The following CDH12 variants were observed in gnomAD, a reference collection of about 807,000 sequenced individuals.
CDH12 encodes the protein cadherin 12.
Under a neutral mutation model 74.1 loss-of-function variants are expected in CDH12, and 41 were observed. The ratio of observed to expected loss-of-function variants is 0.55; its 90% CI spans 0.43 to 0.72. CDH12 has a LOEUF of 0.72. Ranked by LOEUF, CDH12 falls within the 30% of genes least tolerant of loss-of-function variation. CDH12 has a pLI of 0.00. For synonymous variants in CDH12, 399 were observed against 355.0 expected, an observed-to-expected ratio of 1.12 and a Z score of -1.39; for missense variants, 945 against 977.2, an observed-to-expected ratio of 0.97 and a Z score of 0.44.
intron 5 of CDH12, among the ~76,000 whole-genome samples, chr5:21,984,340 A>C (rs1757427974): frequency 6.6e-6 from 1 of 152,180 alleles, no homozygotes; most frequent in South Asian, 2.1e-4. Context: ...CTGGTCATTA[A>C]TGCCTATATT....
At chr5:22,551,155 G>T (rs962282592) in intron 1 of CDH12, among the ~76,000 whole-genome samples, 2 of 152,124 alleles carry the variant, frequency 1.3e-5, no homozygotes, top group African/African-American at 4.8e-5. Context: ...TAGGACTGGT[G>T]TCCTTATAAG....
chr5:22,563,189 A>T (rs1259604060), intron 1 of CDH12, among the ~76,000 whole-genome samples: 3 of 151,542 alleles, frequency 2.0e-5, no homozygotes, highest in Non-Finnish European at 2.9e-5. Context: ...AGGATGATAA[A>T]ATTGGGCTAC....
chr5:22,270,098 A>T (rs951672657), intron 3 of CDH12, among the ~76,000 whole-genome samples: 2 of 152,162 alleles, frequency 1.3e-5, no homozygotes, highest in African/African-American at 4.8e-5. Context: ...AAGAGCTGGG[A>T]GTATGGAGTT....
chr5:22,373,294 C>A (rs1221311376), intron 3 of CDH12, among the ~76,000 whole-genome samples: 4 of 152,122 alleles, frequency 2.6e-5, no homozygotes, highest in Middle Eastern at 3.2e-3. Flanking sequence ...TGTGGACTGA[C>A]CTGCCCAGCC....
At position 21,958,831 on chromosome 5, in the gene CDH12, T is replaced by C. The variant is rs530263645; in HGVS notation, c.526+16260A>G. On this transcript the variant is annotated intron_variant, in intron 6 of 14. Coordinates refer to ENST00000382254, the MANE Select transcript of CDH12 (RefSeq NM_004061.5). ...ACAGTTGTTTCTAGTTTTTGAAGAA[T>C]GTCATTGGTAGTTTGATAGAAATAG... Among the ~76,000 whole-genome samples the C allele has an allele frequency of 2.3e-4, 35 of 152,328 alleles. No individual in the cohort carries two copies. The South Asian group carries it at 3.3e-3, about 14-fold the overall frequency.
intron 5 of CDH12, among the ~76,000 whole-genome samples, chr5:21,977,161 A>G (rs1476243281): frequency 1.3e-5 from 2 of 152,110 alleles, no homozygotes; most frequent in East Asian, 1.9e-4. Flanking sequence ...TGTGGCAACA[A>G]TAAGAGGGAA....
intron 7 of CDH12, among the ~76,000 whole-genome samples, chr5:21,847,509 C>T (rs945664477): frequency 3.9e-5 from 6 of 152,040 alleles, no homozygotes; most frequent in African/African-American, 1.4e-4. Context: ...TGGCAGCACT[C>T]CCTGGCTCCT....
intron 4 of CDH12, among the ~76,000 whole-genome samples, chr5:22,100,375 T>C (rs1186581595): frequency 6.6e-6 from 1 of 151,900 alleles, no homozygotes; most frequent in Admixed American, 6.6e-5. Flanking sequence ...TAGTAAGAGG[T>C]GACAAAAAGG....
chr5:22,188,100 G>C (rs1344521483), intron 4 of CDH12, among the ~76,000 whole-genome samples: 1 of 150,714 alleles, frequency 6.6e-6, no homozygotes, highest in Non-Finnish European at 1.5e-5. Context: ...TGTAGGTGTT[G>C]GGAGGTGGGG....
chr5:21,816,512 C>A (rs1748048422), intron 9 of CDH12, among the ~76,000 whole-genome samples: 2 of 149,874 alleles, frequency 1.3e-5, no homozygotes, highest in Non-Finnish European at 1.5e-5. Context: ...GTAATCCCAG[C>A]TACTCAGGAG....
intron 1 of CDH12, among the ~76,000 whole-genome samples, chr5:22,599,920 G>A (rs1008208988): frequency 4.6e-5 from 7 of 152,064 alleles, no homozygotes; most frequent in East Asian, 1.9e-4. Context: ...TGTGATTATT[G>A]TGGATTTATG....
chr5:22,774,480 C>T, intron 1 of CDH12, among the ~76,000 whole-genome samples: 1 of 152,012 alleles, frequency 6.6e-6, no homozygotes, highest in East Asian at 1.9e-4. Context: ...TCTTGAATTC[C>T]CATGTGTTGT....
At chr5:21,934,064 C>T (rs1717600287) in intron 6 of CDH12, among the ~76,000 whole-genome samples, 1 of 152,126 alleles carries the variant, frequency 6.6e-6, no homozygotes, top group African/African-American at 2.4e-5. Flanking sequence ...CTTCAACTTT[C>T]TCAAATTCAA....
chr5:22,603,131 G>C lies in CDH12; in HGVS notation c.-522-97767C>G, dbSNP rs193173513. Among the ~76,000 whole-genome samples the C allele has an allele frequency of 1.6e-4, 24 of 152,104 alleles. No individual in the cohort carries two copies. In the East Asian group the frequency reaches 4.5e-3, roughly 28 times the overall value. ...TAGTCCATTTTGGAAGTTTAAAAAT[G>C]TCTTTAAATAAGAAGCTTACCCAGA... On this transcript the variant is annotated intron_variant, in intron 1 of 14. Coordinates refer to ENST00000382254, the MANE Select transcript of CDH12 (RefSeq NM_004061.5).
In CDH12 at chr5:22,258,038, G is replaced by C. The variant is rs140603656; in HGVS notation, c.-332-45395C>G. On this transcript the variant is annotated intron_variant, in intron 3 of 14. Transcript: ENST00000382254. ...AAATATTCTTTATAAATTTAGTGTA[G>C]TGTAAGTGTACAATATTTATAAACA... 1.8e-3 allele frequency among the ~76,000 whole-genome samples: 273 copies of C among 152,198 alleles called. 2 individuals carry two copies. The highest frequency in any genetic ancestry group is 6.2e-3 in the African/African-American group (256 of 41,520).
chr5:22,239,827 GAAT>G (rs1456863877), intron 3 of CDH12, among the ~76,000 whole-genome samples: 3 of 152,062 alleles, frequency 2.0e-5, no homozygotes, highest in African/African-American at 7.2e-5. Flanking sequence ...TAACAGAAAA[GAAT>G]AACACTTTTT....
intron 10 of CDH12, among the ~76,000 whole-genome samples, chr5:21,793,946 G>A (rs990758065): frequency 5.3e-5 from 8 of 149,792 alleles, no homozygotes; most frequent in Admixed American, 4.7e-4. Flanking sequence ...TTATTATATA[G>A]TTGGGACTAT....
chr5:22,736,727 CACACACAA>C (rs927493377), intron 1 of CDH12, among the ~76,000 whole-genome samples: 2 of 151,832 alleles, frequency 1.3e-5, no homozygotes, highest in African/African-American at 4.8e-5. Flanking sequence ...CACACACACA[CACACACAA>C]AAAGCCTAGA....
intron 2 of CDH12, among the ~76,000 whole-genome samples, chr5:22,469,867 T>G (rs985502210): frequency 1.3e-5 from 2 of 152,196 alleles, no homozygotes; most frequent in Non-Finnish European, 2.9e-5. Flanking sequence ...TGCAATCTCA[T>G]AGCAAAGTTT....
Sources: gnomAD v4.1 joint callset for allele counts (sites outside exome capture counted in the v4.1 genomes callset) on GRCh38, gnomAD v4.1.1 for gene constraint, MANE v1.5 for transcripts, NCBI Gene and HGNC (gene_info 2026-07-23, HGNC 2026-07-21) for gene names.